The following ZNF280D variants were observed in gnomAD, a reference collection of about 807,000 sequenced individuals.
ZNF280D encodes the protein suppressor of hairy wing homolog 4.
In ZNF280D, 39 loss-of-function variants were observed where a neutral mutation model predicts 94.7. The ratio of observed to expected loss-of-function variants is 0.41; its 90% CI spans 0.32 to 0.54. The LOEUF (loss-of-function observed/expected upper bound fraction) is 0.54. Among genes scored for constraint, ZNF280D ranks in the 20% least tolerant of loss-of-function variants. The pLI, the probability that ZNF280D is intolerant of heterozygous loss-of-function variation, is 0.22. For synonymous variants in ZNF280D, 398 were observed against 377.6 expected (o/e 1.05, Z -0.63); for missense variants, 1,090 against 1,149.3 (o/e 0.95, Z 0.75).
In ZNF280D at chr15:56,682,428, T is replaced by C. The variant is rs2055680774; in HGVS notation, c.830A>G (p.Glu277Gly). ...INNFLGLAKTEFSSTVNKNTT... is the reference protein window; with the variant it reads ...INNFLGLAKTGFSSTVNKNTT... ...GTTTTTATTTACTGTACTTGAAAAT[T>C]CTGTTTTAGCCAGTCCCAAAAAGTT... Residue 277 changes from glutamate (E) to glycine (G), a missense_variant, in exon 10 of 22, where the codon GAA (glutamate) becomes GGA (glycine). Physicochemically the swap from Glu to Gly is moderately conservative, Grantham distance 98 (BLOSUM62 -2). This residue lies in a region of ZNF280D where 386 missense variants were observed against 372.0 expected (regional missense o/e 1.04). Coordinates refer to ENST00000267807, the MANE Select transcript of ZNF280D (RefSeq NM_017661.4). The C allele has an allele frequency of 2.5e-6, 4 of 1,587,010 alleles. No homozygotes were observed. The Admixed American group carries it at 7.6e-5, about 30-fold the overall frequency.
intron 1 of ZNF280D, among the ~76,000 whole-genome samples, chr15:56,718,814 T>A (rs2058184299): frequency 6.6e-6 from 1 of 152,186 alleles, no homozygotes; most frequent in South Asian, 2.1e-4. Context: ...AGTATCCACC[T>A]CAAGACCCCA....
At chr15:56,661,708 C>T (rs1265431644) in intron 16 of ZNF280D, among the ~76,000 whole-genome samples, 1 of 152,046 alleles carries the variant, frequency 6.6e-6, no homozygotes, top group Non-Finnish European at 1.5e-5. Context: ...ATTTGTTTAT[C>T]ACAATAACCT....
chr15:56,651,676 A>G (rs1039831191), intron 19 of ZNF280D, among the ~76,000 whole-genome samples: 23 of 152,312 alleles, frequency 1.5e-4, no homozygotes, highest in East Asian at 1.2e-3. Context: ...AGGAATAACA[A>G]AATCCTCAGA....
intron 16 of ZNF280D, among the ~76,000 whole-genome samples, chr15:56,664,875 A>T (rs1596402644): frequency 1.3e-5 from 2 of 152,318 alleles, no homozygotes; most frequent in Admixed American, 6.5e-5. Context: ...TAGGACAAAA[A>T]GCCACAATCA....
In ZNF280D at chr15:56,643,405, A is replaced by C. The variant is rs146676376; in HGVS notation, c.2214-408T>G. On this transcript the variant is annotated intron_variant, in intron 19 of 21. Transcript: ENST00000267807. ...TCAGTATTTACGATTACAGGACTTA[A>C]GTGAAAAAAGATAAATATTTTATCT... is the stretch of plus-strand genomic sequence containing the variant. Among the ~76,000 whole-genome samples the C allele has an allele frequency of 2.8e-3, 432 of 151,770 alleles. 4 individuals carry two copies. Among genetic ancestry groups the C allele is most frequent in the African/African-American group, 1.0e-2 (414 of 41,542 alleles).
chr15:56,704,715 T>C (rs2057296181), intron 3 of ZNF280D, among the ~76,000 whole-genome samples: 1 of 152,158 alleles, frequency 6.6e-6, no homozygotes, highest in Non-Finnish European at 1.5e-5. Flanking sequence ...GAGCAGTGGC[T>C]CACACTTGTA....
chr15:56,636,215 G>C (rs913674482), intron 20 of ZNF280D, among the ~76,000 whole-genome samples: 1 of 152,130 alleles, frequency 6.6e-6, no homozygotes, highest in Non-Finnish European at 1.5e-5. Flanking sequence ...TTAGAAACAG[G>C]AAAGTCATTG....
intron 19 of ZNF280D, 186 bp from the exon 20 acceptor site, chr15:56,643,183 T>G (rs1177576540): frequency 2.7e-6 from 1 of 372,148 alleles, no homozygotes; most frequent in Non-Finnish European, 4.9e-6. Context: ...TGAGACTAAA[T>G]AGTAGATTCG....
At chr15:56,672,582 G>A (rs1403236969) in intron 13 of ZNF280D, among the ~76,000 whole-genome samples, 1 of 151,950 alleles carries the variant, frequency 6.6e-6, no homozygotes, top group Non-Finnish European at 1.5e-5. Context: ...CAGTTTGCCA[G>A]TATTTTGGTG....
At chr15:56,670,530 T>C (rs2054790226) in intron 13 of ZNF280D, among the ~76,000 whole-genome samples, 1 of 152,116 alleles carries the variant, frequency 6.6e-6, no homozygotes, top group Non-Finnish European at 1.5e-5. Flanking sequence ...CTCATTCCTT[T>C]CTTTGGCTGC....
chr15:56,695,533 C>CTT (rs10652553), intron 6 of ZNF280D, among the ~76,000 whole-genome samples: 137,115 of 140,778 alleles, frequency 0.97, 66,892 homozygotes, highest in South Asian at 1. Flanking sequence ...CAAAAATTAA[C>CTT]TTTTTTTTTT....
intron 1 of ZNF280D, among the ~76,000 whole-genome samples, chr15:56,725,385 G>A (rs1218784593): frequency 6.6e-6 from 1 of 151,986 alleles, no homozygotes; most frequent in African/African-American, 2.4e-5. Context: ...TTTACTTAAA[G>A]ATGATAATAA....
At chr15:56,676,405 A>G (rs2055236541) in intron 13 of ZNF280D, among the ~76,000 whole-genome samples, 1 of 151,984 alleles carries the variant, frequency 6.6e-6, no homozygotes, top group Non-Finnish European at 1.5e-5. Context: ...ATTCCACTCA[A>G]CTTTTTCTTT....
chr15:56,658,524 C>T (rs768607473), intron 16 of ZNF280D, 38 bp from the exon 17 acceptor site: 1 of 1,370,900 alleles, frequency 7.3e-7, no homozygotes, highest in Non-Finnish European at 9.9e-7. Context: ...TTTTATTATA[C>T]AATAAGTCAC....
chr15:56,725,936 A>G (rs1439520057), intron 1 of ZNF280D, among the ~76,000 whole-genome samples: 1 of 152,214 alleles, frequency 6.6e-6, no homozygotes. Context: ...CCTGTTATAT[A>G]AAACCAGAAA....
chr15:56,704,025 G>T, intron 4 of ZNF280D, 96 bp downstream of exon 4: 1 of 1,335,818 alleles, frequency 7.5e-7, no homozygotes, highest in Non-Finnish European at 1.0e-6. Flanking sequence ...CTTTACAGTG[G>T]AACATGAACA....
rs1370562097 is a variant in ZNF280D at position 56,703,642 on chromosome 15, T to A, written c.175+479A>T. Among the ~76,000 whole-genome samples, 4 of 152,072 alleles carry A rather than the reference T, an allele frequency of 2.6e-5. No homozygotes were observed. In the East Asian group the frequency reaches 7.7e-4, roughly 29 times the overall value. On this transcript the variant is annotated intron_variant, in intron 4 of 21. Coordinates refer to ENST00000267807, the MANE Select transcript of ZNF280D (RefSeq NM_017661.4). The stretch of plus-strand genomic sequence containing the variant: ...TCCAAGGCAGGTGGATCATTTGAGC[T>A]CAGGAGTTCGAGAGCAGCCTGGGCA...
chr15:56,722,970 T>A (rs2058445902), intron 1 of ZNF280D, among the ~76,000 whole-genome samples: 2 of 151,064 alleles, frequency 1.3e-5, no homozygotes, highest in Non-Finnish European at 2.9e-5. Context: ...CAGTAAACTA[T>A]CGCAAGAACA....
At chr15:56,691,843 C>T (rs2056441306) in intron 7 of ZNF280D, among the ~76,000 whole-genome samples, 1 of 152,134 alleles carries the variant, frequency 6.6e-6, no homozygotes, top group Non-Finnish European at 1.5e-5. Context: ...ATTAAAGTTA[C>T]ATGTCCAAAT....
Sources: allele counts gnomAD v4.1 joint callset (sites outside exome capture counted in the v4.1 genomes callset), GRCh38; gene constraint gnomAD v4.1.1; regional missense constraint gnomAD v4.1.1; transcripts MANE v1.5; gene names NCBI Gene and HGNC (gene_info 2026-07-23, HGNC 2026-07-21).